The following VWF variants were observed in gnomAD, a reference collection of about 807,000 sequenced individuals.
VWF encodes von Willebrand factor.
A neutral mutation model predicts 308.6 loss-of-function variants in VWF; 176 were observed. The ratio of observed to expected loss-of-function variants is 0.57; its 90% CI spans 0.50 to 0.65. The LOEUF (loss-of-function observed/expected upper bound fraction) is 0.65, where lower values mean the gene tolerates loss of function less well. Ranked by LOEUF, VWF falls within the 30% of genes least tolerant of loss-of-function variation. The probability of loss-of-function intolerance (pLI) is 0.00; values close to 1 mark genes in which losing one functional copy is unlikely to be tolerated. For synonymous variants in VWF, 1,385 were observed against 1,443.4 expected, an observed-to-expected ratio of 0.96 and a Z score of 0.92; for missense variants, 3,146 against 3,648.2, an observed-to-expected ratio of 0.86 and a Z score of 3.55.
intron 28 of VWF, among the ~76,000 whole-genome samples, chr12:6,018,035 G>A (rs1298209746): frequency 1.3e-5 from 2 of 150,948 alleles, no homozygotes; most frequent in Non-Finnish European, 1.5e-5. Context: ...GTGGGGAAGA[G>A]GCTGTGTGAT....
In VWF at chr12:6,063,026, C is replaced by A. The variant is rs369933210; in HGVS notation, c.1461G>T (p.Thr487=). ...CCCCGTAGCTGAGGCGCACGGAGGC[C>A]GTCACTGTATGCTGGATGCGGAGGT... The part of the protein sequence containing the change: ...KGDLRIQHTV[T]ASVRLSYGED... Residue 487 remains threonine, a synonymous_variant, in exon 13 of 52, where the codon ACG becomes ACT. Coordinates refer to ENST00000261405, the MANE Select transcript of VWF (RefSeq NM_000552.5). The surrounding 1 kb of genome is among the most constrained non-coding windows in gnomAD (Gnocchi z 4.9). 1.2e-6 allele frequency: 2 copies of A among 1,613,704 alleles called. No homozygotes were observed. Among genetic ancestry groups the A allele is most frequent in the Non-Finnish European group, 1.7e-6 (2 of 1,180,022 alleles).
At chr12:6,068,847 T>A in intron 10 of VWF, among the ~76,000 whole-genome samples, 1 of 144,518 alleles carries the variant, frequency 6.9e-6, no homozygotes. Flanking sequence ...TGTGTGTGTG[T>A]GTGTGTGTGT....
chr12:6,027,133 T>A (rs1944204099), intron 22 of VWF, among the ~76,000 whole-genome samples: 1 of 152,136 alleles, frequency 6.6e-6, no homozygotes, highest in Non-Finnish European at 1.5e-5. Context: ...AGGCCAACGA[T>A]CTTCCCATGG....
chr12:6,027,082 C>A (rs73263003), intron 22 of VWF, among the ~76,000 whole-genome samples: 332 of 152,264 alleles, frequency 2.2e-3, no homozygotes, highest in African/African-American at 7.8e-3. Context: ...GTGTAAGTCA[C>A]CAGGAAACAT....
At chr12:6,008,311 G>A in intron 34 of VWF, among the ~76,000 whole-genome samples, 1 of 152,040 alleles carries the variant, frequency 6.6e-6, no homozygotes, top group Non-Finnish European at 1.5e-5. Flanking sequence ...ACAATCAAAG[G>A]ATAATACACT....
intron 5 of VWF, among the ~76,000 whole-genome samples, chr12:6,101,200 T>A (rs1483527446): frequency 6.6e-6 from 1 of 152,174 alleles, no homozygotes; most frequent in Non-Finnish European, 1.5e-5. Context: ...TAGATCTAAG[T>A]AGAGATGAGC....
At chr12:6,055,133 A>G (rs1944561580) in intron 15 of VWF, among the ~76,000 whole-genome samples, 2 of 152,208 alleles carry the variant, frequency 1.3e-5, no homozygotes, top group Admixed American at 1.3e-4. Context: ...CTGAAGCATC[A>G]GCCCATTTCC....
chr12:6,016,283 AC>A, intron 30 of VWF, 51 bp from the exon 31 acceptor site: 2 of 1,613,716 alleles, frequency 1.2e-6, no homozygotes, highest in Non-Finnish European at 1.7e-6. Context: ...GCGGCTCGAC[AC>A]CCTGTCTTAA....
intron 34 of VWF, among the ~76,000 whole-genome samples, chr12:6,007,732 T>C (rs1238072289): frequency 6.6e-6 from 1 of 151,994 alleles, no homozygotes; most frequent in African/African-American, 2.4e-5. Context: ...AAATGAAATA[T>C]AGAATACAAA....
At chr12:6,002,363 T>C (rs1343417041) in intron 34 of VWF, among the ~76,000 whole-genome samples, 1 of 151,762 alleles carries the variant, frequency 6.6e-6, no homozygotes. Context: ...ATAATAAACA[T>C]GTATATAAAT....
intron 42 of VWF, 132 bp downstream of exon 42, chr12:5,981,654 G>A (rs1468794968): frequency 4.8e-6 from 5 of 1,041,410 alleles, no homozygotes; most frequent in Non-Finnish European, 7.3e-6. Context: ...TCCATGAGGA[G>A]CACATGTTGC....
chr12:6,102,292 A>G (rs560231786), intron 5 of VWF, among the ~76,000 whole-genome samples: 1 of 152,172 alleles, frequency 6.6e-6, no homozygotes, highest in South Asian at 2.1e-4. Flanking sequence ...ACATACAAAA[A>G]TTAGCTGCGC....
intron 20 of VWF, among the ~76,000 whole-genome samples, chr12:6,033,372 G>A (rs1341021593): frequency 6.6e-6 from 1 of 152,230 alleles, no homozygotes; most frequent in African/African-American, 2.4e-5. Context: ...CGTTTGGAGG[G>A]GGAGTCTTTA....
chr12:5,954,648 C>G (rs1250755448), intron 47 of VWF, among the ~76,000 whole-genome samples: 1 of 152,168 alleles, frequency 6.6e-6, no homozygotes, highest in Non-Finnish European at 1.5e-5. Context: ...CAAGAAGCCC[C>G]TAAATCTGCA....
rs1227349336 is a variant in VWF, at chr12:6,071,306, C to A, written c.1147G>T (p.Glu383Ter). The change falls in exon 10 of 52, where the codon GAA becomes TAA. Residue 383 changes from glutamate (E) to a stop codon, truncating the protein, a stop_gained. Coordinates refer to ENST00000261405, the MANE Select transcript of VWF (RefSeq NM_000552.5). LOFTEE classifies it high-confidence loss of function. ...RNSQWICSNE[E>*]CPGECLVTGQ... ...GCGGCAGGTCGCCTACCTGGACATTCTTCATTGCTGCAGATCCACTGGCTG... is the reference window on the plus strand; with the variant it reads ...GCGGCAGGTCGCCTACCTGGACATTATTCATTGCTGCAGATCCACTGGCTG... 3.1e-6 allele frequency: 5 copies of A among 1,614,050 alleles called. No individual in the cohort carries two copies. Among genetic ancestry groups the A allele is most frequent in the Non-Finnish European group, 4.2e-6 (5 of 1,180,032 alleles).
rs1452613151 is a variant in VWF, at chr12:5,980,983, C to T, written c.7287+803G>A. On this transcript the variant is annotated intron_variant, in intron 42 of 51. Transcript: ENST00000261405. ...CTTGGTGGCTCTTTCACCTATAAGA[C>T]TGCTGTTTGTAATGAAAATCTGTAC... Among the ~76,000 whole-genome samples, 3 of 152,200 alleles carry T rather than the reference C, an allele frequency of 2.0e-5. 1 individual carries two copies. The highest frequency in any genetic ancestry group is 4.4e-5 in the Non-Finnish European group (3 of 68,042).
intron 42 of VWF, among the ~76,000 whole-genome samples, chr12:5,977,935 G>A (rs1161115672): frequency 6.7e-6 from 1 of 148,284 alleles, no homozygotes; most frequent in Non-Finnish European, 1.5e-5. Flanking sequence ...GTGGAGGAAG[G>A]AATAAGGTAG....
At chr12:5,967,751 T>G in intron 46 of VWF, 149 bp from the exon 47 acceptor site, 2 of 774,450 alleles carry the variant, frequency 2.6e-6, no homozygotes, top group Non-Finnish European at 2.2e-6. Context: ...CCCACTGCCT[T>G]CCCGTCCTCC....
At chr12:6,056,191 TA>T (rs1944576622) in intron 15 of VWF, among the ~76,000 whole-genome samples, 1 of 147,518 alleles carries the variant, frequency 6.8e-6, no homozygotes, top group Non-Finnish European at 1.5e-5. Context: ...TCTGTGACTC[TA>T]ACAGTAAGTT....
Sources: gnomAD v4.1 joint callset for allele counts (sites outside exome capture counted in the v4.1 genomes callset) on GRCh38, gnomAD v4.1.1 for gene constraint, Gnocchi (gnomAD v3.1) non-coding constraint, MANE v1.5 for transcripts, NCBI Gene and HGNC (gene_info 2026-07-23, HGNC 2026-07-21) for gene names.